The following RIMS2 variants were observed in gnomAD, a reference collection of about 807,000 sequenced individuals.
RIMS2 encodes regulating synaptic membrane exocytosis protein 2.
A neutral mutation model predicts 174.4 loss-of-function variants in RIMS2; 59 were observed. The observed-to-expected ratio is 0.34, with a 90% CI of 0.27 to 0.42. The LOEUF (loss-of-function observed/expected upper bound fraction) is 0.42, where lower values mean the gene tolerates loss of function less well. Ranked by LOEUF, RIMS2 falls within the 10% of genes least tolerant of loss-of-function variation. The pLI, the probability that RIMS2 is intolerant of heterozygous loss-of-function variation, is 1.00. For synonymous variants in RIMS2, 606 were observed against 572.5 expected, an observed-to-expected ratio of 1.06 and a Z score of -0.84; for missense variants, 1,620 against 1,666.3, an observed-to-expected ratio of 0.97 and a Z score of 0.48.
At chr8:104,092,885 C>G (rs186263048) in intron 19 of RIMS2, among the ~76,000 whole-genome samples, 87 of 152,068 alleles carry the variant, frequency 5.7e-4, no homozygotes, top group Non-Finnish European at 1.0e-3. Flanking sequence ...CCCTGCAACC[C>G]TGGCTGTGCC....
intron 4 of RIMS2, among the ~76,000 whole-genome samples, chr8:103,906,534 C>T (rs72681368): frequency 2.0e-5 from 3 of 152,146 alleles, no homozygotes; most frequent in African/African-American, 7.2e-5. Flanking sequence ...GCGTGAGCCA[C>T]TGCACCCAGC....
intron 3 of RIMS2, among the ~76,000 whole-genome samples, chr8:103,878,615 C>G (rs974504514): frequency 3.3e-5 from 5 of 151,468 alleles, no homozygotes; most frequent in Admixed American, 1.3e-4. Flanking sequence ...CCTCCTTAAT[C>G]TTTTGATAGT....
chr8:104,010,213 ATACT>A (rs2095713466), intron 17 of RIMS2, among the ~76,000 whole-genome samples: 1 of 152,190 alleles, frequency 6.6e-6, no homozygotes, highest in Non-Finnish European at 1.5e-5. Context: ...GTTGCATCAA[ATACT>A]TGGAAATTTT....
At chr8:103,754,534 A>T (rs1242400110) in intron 2 of RIMS2, among the ~76,000 whole-genome samples, 1 of 152,066 alleles carries the variant, frequency 6.6e-6, no homozygotes, top group Non-Finnish European at 1.5e-5. Flanking sequence ...TGGGGTGTTA[A>T]AGTGTCCCAT....
At chr8:104,240,102 G>A (rs1385280096) in intron 19 of RIMS2, among the ~76,000 whole-genome samples, 1 of 152,162 alleles carries the variant, frequency 6.6e-6, no homozygotes, top group Non-Finnish European at 1.5e-5. Flanking sequence ...TCACATCTCT[G>A]TGATTTCCCT....
At chr8:104,250,325 G>C (rs895101400) in intron 22 of RIMS2, among the ~76,000 whole-genome samples, 2 of 152,078 alleles carry the variant, frequency 1.3e-5, no homozygotes, top group African/African-American at 4.8e-5. Flanking sequence ...TGATTGACTT[G>C]TAACTTTCAC....
intron 2 of RIMS2, among the ~76,000 whole-genome samples, chr8:103,733,502 G>A (rs2097639571): frequency 6.6e-6 from 1 of 152,150 alleles, no homozygotes; most frequent in Admixed American, 6.6e-5. Flanking sequence ...AGAAATCGCA[G>A]TCTGGTGGCC....
chr8:103,905,313 T>C (rs934365790), intron 4 of RIMS2, among the ~76,000 whole-genome samples: 1 of 152,102 alleles, frequency 6.6e-6, no homozygotes, highest in Non-Finnish European at 1.5e-5. Flanking sequence ...TTCTTTTGCC[T>C]GAGAATGTAT....
chr8:103,681,377 T>C (rs549252580), intron 1 of RIMS2, among the ~76,000 whole-genome samples: 1 of 152,174 alleles, frequency 6.6e-6, no homozygotes, highest in African/African-American at 2.4e-5. Context: ...ATGGCACACA[T>C]GCCATATATG....
At chr8:104,013,151 A>G (rs937613055) in intron 17 of RIMS2, among the ~76,000 whole-genome samples, 1 of 152,188 alleles carries the variant, frequency 6.6e-6, no homozygotes, top group Non-Finnish European at 1.5e-5. Context: ...TATTTCACGT[A>G]TTCCATTTAG....
At chr8:104,053,460 G>A (rs1213517643) in intron 19 of RIMS2, among the ~76,000 whole-genome samples, 1 of 152,150 alleles carries the variant, frequency 6.6e-6, no homozygotes, top group African/African-American at 2.4e-5. Context: ...GGGAGATTCA[G>A]TATAAGAACT....
chr8:103,945,709 G>A (rs1389920657), intron 14 of RIMS2, among the ~76,000 whole-genome samples: 1 of 150,858 alleles, frequency 6.6e-6, no homozygotes, highest in Non-Finnish European at 1.5e-5. Flanking sequence ...ATGAAAATAT[G>A]AAGATAAAGC....
chr8:104,020,174 G>C (rs113259267), intron 19 of RIMS2, among the ~76,000 whole-genome samples: 157 of 151,912 alleles, frequency 1.0e-3, no homozygotes, highest in Middle Eastern at 0.01. Flanking sequence ...CATGTTTAGT[G>C]CATGGATTTG....
chr8:103,699,923 C>T (rs1007122430), intron 2 of RIMS2, among the ~76,000 whole-genome samples: 8 of 152,070 alleles, frequency 5.3e-5, no homozygotes, highest in Non-Finnish European at 1.0e-4. Flanking sequence ...TTACCTCTCT[C>T]GTGGTTTTAG....
At chr8:103,945,435 C>A (rs570778472) in intron 14 of RIMS2, among the ~76,000 whole-genome samples, 32 of 152,178 alleles carry the variant, frequency 2.1e-4, no homozygotes, top group Admixed American at 2.0e-3. Flanking sequence ...CCAAATCATT[C>A]TATAAGGCCA....
chr8:104,238,192 C>T (rs1174314054), intron 19 of RIMS2, among the ~76,000 whole-genome samples: 1 of 152,066 alleles, frequency 6.6e-6, no homozygotes, highest in African/African-American at 2.4e-5. Context: ...AGCAAACTAA[C>T]ACAGAACAGA....
chr8:103,544,879 GA>G lies in RIMS2; in HGVS notation c.176+43826del, dbSNP rs996368111. 1.5e-4 allele frequency among the ~76,000 whole-genome samples: 23 copies of G among 150,422 alleles called. No individual in the cohort carries two copies. The South Asian group carries it at 1.7e-3, about 11-fold the overall frequency. On this transcript the variant is annotated intron_variant, in intron 1 of 23. Transcript: ENST00000504942. The stretch of plus-strand genomic sequence containing the variant: ...ATCAAGGGCATCAAAGAAGATATAA[GA>G]AAAAAAAACACATCCAAAGAACAAC...
intron 1 of RIMS2, among the ~76,000 whole-genome samples, chr8:103,660,691 G>T (rs189010241): frequency 6.6e-6 from 1 of 152,186 alleles, no homozygotes; most frequent in South Asian, 2.1e-4. Context: ...GTCTAACATA[G>T]ATAATCTTTA....
chr8:103,587,985 A>C (rs1406846236), intron 1 of RIMS2, among the ~76,000 whole-genome samples: 2 of 152,048 alleles, frequency 1.3e-5, no homozygotes, highest in African/African-American at 4.8e-5. Flanking sequence ...TACAGATGAC[A>C]TAACCTTATA....
Sources: allele counts gnomAD v4.1 joint callset (sites outside exome capture counted in the v4.1 genomes callset), GRCh38; gene constraint gnomAD v4.1.1; transcripts MANE v1.5; gene names NCBI Gene and HGNC (gene_info 2026-07-23, HGNC 2026-07-21).